The following IGSF11 variants were observed in gnomAD, a reference collection of about 807,000 sequenced individuals.
The protein encoded by IGSF11 is CXADR like 1.
Under a neutral mutation model 41.0 loss-of-function variants are expected in IGSF11, and 22 were observed. That is an observed-to-expected ratio of 0.54 (90% CI 0.38 to 0.77). The LOEUF (loss-of-function observed/expected upper bound fraction) is 0.77. IGSF11 is among the 30% of genes least tolerant of loss of function. IGSF11 has a pLI of 0.00. For missense variants in IGSF11, 444 were observed against 530.8 expected (o/e 0.84, Z 1.61); for synonymous variants, 219 against 201.3 (o/e 1.09, Z -0.74).
chr3:119,052,511 G>T (rs1941668262), intron 1 of IGSF11, among the ~76,000 whole-genome samples: 2 of 151,600 alleles, frequency 1.3e-5, no homozygotes, highest in African/African-American at 4.8e-5. Flanking sequence ...TTTAAAAATT[G>T]CCAACAAAAA....
At chr3:118,964,399 G>A (rs942033288) in intron 1 of IGSF11, among the ~76,000 whole-genome samples, 2 of 151,828 alleles carry the variant, frequency 1.3e-5, no homozygotes, top group Admixed American at 6.6e-5. Context: ...AGCTAAAGAG[G>A]GAAAAAAAGG....
chr3:119,083,854 C>T (rs73185847), intron 1 of IGSF11, among the ~76,000 whole-genome samples: 25,570 of 152,054 alleles, frequency 0.17, 2,634 homozygotes, highest in Non-Finnish European at 0.24. Flanking sequence ...AGAGTATACT[C>T]CTTCTATTTA....
chr3:118,935,021 G>C (rs1943133225), intron 1 of IGSF11, among the ~76,000 whole-genome samples: 1 of 151,898 alleles, frequency 6.6e-6, no homozygotes, highest in South Asian at 2.1e-4. Context: ...CTTCTCACAA[G>C]AAAAGCCCTG....
chr3:119,031,453 T>G (rs1453278831), intron 1 of IGSF11, among the ~76,000 whole-genome samples: 1 of 152,324 alleles, frequency 6.6e-6, no homozygotes, highest in African/African-American at 2.4e-5. Flanking sequence ...GGCATAAGTA[T>G]GAAGACTCAA....
intron 1 of IGSF11, among the ~76,000 whole-genome samples, chr3:119,114,553 A>C (rs1472815638): frequency 1.3e-5 from 2 of 152,160 alleles, no homozygotes; most frequent in Non-Finnish European, 2.9e-5. Flanking sequence ...GTTCCCAATA[A>C]GTTCCTCGTT....
intron 4 of IGSF11, among the ~76,000 whole-genome samples, chr3:118,921,922 C>T (rs191052497): frequency 3.3e-5 from 5 of 151,980 alleles, no homozygotes; most frequent in Admixed American, 6.6e-5. Flanking sequence ...TGATGCCCAA[C>T]TTATTCATAC....
At chr3:119,122,827 G>A (rs2077351403) in intron 1 of IGSF11, among the ~76,000 whole-genome samples, 1 of 152,204 alleles carries the variant, frequency 6.6e-6, no homozygotes, top group Non-Finnish European at 1.5e-5. Context: ...CTTGGGAACT[G>A]AATAACCAGC....
chr3:119,113,576 C>A (rs1037063184), intron 1 of IGSF11, among the ~76,000 whole-genome samples: 42 of 152,234 alleles, frequency 2.8e-4, no homozygotes, highest in African/African-American at 9.9e-4. Flanking sequence ...GGCAGCTCCA[C>A]CCCTGTGGCT....
chr3:118,946,040 G>C (rs1157263536), intron 1 of IGSF11: 2 of 152,104 alleles, frequency 1.3e-5, no homozygotes, highest in Admixed American at 1.3e-4. Context: ...GGTGTGGTAG[G>C]AGACTGTTAT....
intron 1 of IGSF11, among the ~76,000 whole-genome samples, chr3:119,000,752 T>C (rs1301093551): frequency 6.6e-6 from 1 of 152,212 alleles, no homozygotes; most frequent in African/African-American, 2.4e-5. Context: ...TTGAAACACA[T>C]TGCCCAAAAT....
chr3:118,918,306 G>A (rs1395503650), intron 4 of IGSF11, among the ~76,000 whole-genome samples: 1 of 110,578 alleles, frequency 9.0e-6, no homozygotes, highest in East Asian at 2.5e-4. Context: ...TAGGAAAAGA[G>A]GAAGTCAAAT....
chr3:119,032,946 T>C (rs1290520058), intron 1 of IGSF11, among the ~76,000 whole-genome samples: 5 of 152,202 alleles, frequency 3.3e-5, no homozygotes, highest in Non-Finnish European at 7.3e-5. Flanking sequence ...AACACTGTTT[T>C]TGAAAGTGGA....
chr3:119,039,508 C>T (rs9682347), upstream of IGSF11, among the ~76,000 whole-genome samples: 5,417 of 152,242 alleles, frequency 0.036, 332 homozygotes, highest in African/African-American at 0.12. Context: ...CCATCAGCAA[C>T]GTTAATTCCC....
chr3:119,115,093 C>T (rs2077237317), intron 1 of IGSF11, among the ~76,000 whole-genome samples: 1 of 152,208 alleles, frequency 6.6e-6, no homozygotes, highest in African/African-American at 2.4e-5. Flanking sequence ...CCAGGTCCCT[C>T]CTTGAACATT....
intron 1 of IGSF11, among the ~76,000 whole-genome samples, chr3:118,935,779 G>A (rs1418937471): frequency 6.6e-6 from 1 of 152,030 alleles, no homozygotes; most frequent in East Asian, 1.9e-4. Flanking sequence ...GACTCCTAGA[G>A]GGTATCTCAC....
chr3:119,120,515 G>A (rs1411773547), intron 1 of IGSF11, among the ~76,000 whole-genome samples: 2 of 152,222 alleles, frequency 1.3e-5, no homozygotes, highest in Admixed American at 1.3e-4. Context: ...CCCAAGAAAA[G>A]GTCTCTGGTT....
chr3:119,143,982 T>C (rs1408084177), intron 1 of IGSF11, among the ~76,000 whole-genome samples: 1 of 152,006 alleles, frequency 6.6e-6, no homozygotes, highest in Non-Finnish European at 1.5e-5. Context: ...GCTCAAATTA[T>C]ATGAAGCAAA....
In IGSF11 at chr3:119,069,921, A is replaced by G. The variant is rs554922466; in HGVS notation, c.49+35223T>C. ...CTCCCATATAGCAATGATTCACTCG[A>G]GTATGAGACAACCCTGTAAGAAAAA... On this transcript the variant is annotated intron_variant, in intron 1 of 6. Transcript: ENST00000354673. 2.0e-5 allele frequency among the ~76,000 whole-genome samples: 3 copies of G among 152,326 alleles called. No homozygotes were observed. The South Asian group carries it at 6.2e-4, about 32-fold the overall frequency.
In IGSF11 at chr3:119,069,510, T is replaced by A. The variant is rs7356101; in HGVS notation, c.49+35634A>T. Reference sequence around the variant, plus strand: ...CTTAAAGACATCTGATAAATACATATATTGATTATGAAAAGGCCTAATTTC... The same window carrying A: ...CTTAAAGACATCTGATAAATACATAAATTGATTATGAAAAGGCCTAATTTC... On this transcript the variant is annotated intron_variant, in intron 1 of 6. Coordinates refer to the IGSF11 transcript ENST00000354673. Among the ~76,000 whole-genome samples the A allele has an allele frequency of 3.1e-3, 466 of 152,296 alleles. 3 individuals carry two copies. Among genetic ancestry groups the A allele is most frequent in the African/African-American group, 0.011 (452 of 41,554 alleles).
Sources: allele counts gnomAD v4.1 joint callset (sites outside exome capture counted in the v4.1 genomes callset), GRCh38; gene constraint gnomAD v4.1.1; transcripts MANE v1.5; gene names NCBI Gene and HGNC (gene_info 2026-07-23, HGNC 2026-07-21).